FBXW7: variants seen among roughly 807,000 people sequenced by gnomAD.
FBXW7 encodes F-box/WD repeat-containing protein 7.
In FBXW7, 11 loss-of-function variants were observed where a neutral mutation model predicts 86.3. The observed-to-expected ratio is 0.13, with a 90% CI of 0.08 to 0.21. The LOEUF (loss-of-function observed/expected upper bound fraction) is 0.21, where lower values mean the gene tolerates loss of function less well. Ranked by LOEUF, FBXW7 falls within the 10% of genes least tolerant of loss-of-function variation. FBXW7 has a pLI of 1.00. For missense variants in FBXW7, 488 were observed against 847.4 expected, an observed-to-expected ratio of 0.58 and a Z score of 5.27; for synonymous variants, 313 against 297.9, an observed-to-expected ratio of 1.05 and a Z score of -0.52.
At chr4:152,382,973 C>T (rs1735224834) in intron 4 of FBXW7, among the ~76,000 whole-genome samples, 1 of 152,042 alleles carries the variant, frequency 6.6e-6, no homozygotes, top group Non-Finnish European at 1.5e-5. Flanking sequence ...TTTCCCTTTT[C>T]CATACACACC....
At chr4:152,355,921 T>G (rs968007834) in intron 4 of FBXW7, among the ~76,000 whole-genome samples, 1 of 152,126 alleles carries the variant, frequency 6.6e-6, no homozygotes, top group Middle Eastern at 3.2e-3. Context: ...ACGACTTAAG[T>G]TTTTAGAAGG....
chr4:152,323,113 T>A lies in FBXW7; in HGVS notation c.1892A>T (p.Gln631Leu), dbSNP rs2126465510. Residue 631 changes from glutamine (Q) to leucine (L), a missense_variant, in exon 14 of 14, where the codon CAG (glutamine) becomes CTG (leucine). Physicochemically the swap from Gln to Leu is moderately radical, Grantham distance 113 (BLOSUM62 -2). Coordinates refer to ENST00000281708, the MANE Select transcript of FBXW7 (RefSeq NM_001349798.2). ...NKHQSAVTCL[Q>L]FNKNFVITSS... ...GGTAATTACAAAGTTCTTGTTGAAC[T>A]GTAAACAGGTCACAGCACTCTGATG... is the stretch of plus-strand genomic sequence containing the variant. The A allele has an allele frequency of 1.2e-6, 2 of 1,613,762 alleles. No homozygotes were observed. The highest frequency in any genetic ancestry group is 1.7e-6 in the Non-Finnish European group (2 of 1,179,804).
At chr4:152,407,849 C>T (rs567890581) in intron 4 of FBXW7, among the ~76,000 whole-genome samples, 158 of 152,236 alleles carry the variant, frequency 1.0e-3, no homozygotes, top group Middle Eastern at 3.4e-3. Flanking sequence ...GAACCACAGG[C>T]GCATGCCATC....
chr4:152,453,419 A>C (rs1742093843), intron 2 of FBXW7, among the ~76,000 whole-genome samples: 1 of 152,078 alleles, frequency 6.6e-6, no homozygotes, highest in Non-Finnish European at 1.5e-5. Flanking sequence ...CATTCAGTCT[A>C]TTCAGTCACC....
At chr4:152,341,954 C>T (rs1378312715) in intron 6 of FBXW7, among the ~76,000 whole-genome samples, 1 of 151,856 alleles carries the variant, frequency 6.6e-6, no homozygotes, top group African/African-American at 2.4e-5. Context: ...TACAATTTAA[C>T]CTCTTCAGGC....
chr4:152,501,058 G>A (rs1481909519), intron 2 of FBXW7, among the ~76,000 whole-genome samples: 1 of 152,192 alleles, frequency 6.6e-6, no homozygotes, highest in Non-Finnish European at 1.5e-5. Flanking sequence ...AGTCACTGTG[G>A]AAGAAGCTTA....
chr4:152,478,361 G>A (rs1021928854), intron 2 of FBXW7, among the ~76,000 whole-genome samples: 1 of 152,010 alleles, frequency 6.6e-6, no homozygotes, highest in African/African-American at 2.4e-5. Context: ...TTAGCACAAT[G>A]TTTTCAAGGT....
At chr4:152,410,985 A>T (rs1431047404) in intron 4 of FBXW7, among the ~76,000 whole-genome samples, 1 of 152,094 alleles carries the variant, frequency 6.6e-6, no homozygotes, top group East Asian at 1.9e-4. Flanking sequence ...ATCATGTTTC[A>T]CCCGAAACCT....
intron 8 of FBXW7, among the ~76,000 whole-genome samples, chr4:152,332,329 G>A (rs557715153): frequency 5.9e-5 from 9 of 151,998 alleles, no homozygotes; most frequent in East Asian, 5.8e-4. Context: ...ATATAATTTC[G>A]GGGTTTCCTT....
chr4:152,390,133 T>C (rs540546347), intron 4 of FBXW7, among the ~76,000 whole-genome samples: 1 of 152,044 alleles, frequency 6.6e-6, no homozygotes, highest in Admixed American at 6.6e-5. Flanking sequence ...CTCTCCTACC[T>C]ACTGTAGTGG....
At chr4:152,454,550 T>C (rs1330727225) in intron 2 of FBXW7, among the ~76,000 whole-genome samples, 1 of 152,212 alleles carries the variant, frequency 6.6e-6, no homozygotes, top group South Asian at 2.1e-4. Context: ...CAAACACTGG[T>C]TGAACTGAAT....
chr4:152,384,984 T>C (rs1047378639), intron 4 of FBXW7, among the ~76,000 whole-genome samples: 4 of 152,070 alleles, frequency 2.6e-5, no homozygotes, highest in African/African-American at 9.7e-5. Flanking sequence ...AATTGTTTTG[T>C]TTGTGAAACA....
intron 2 of FBXW7, among the ~76,000 whole-genome samples, chr4:152,422,377 G>A (rs959375216): frequency 1.3e-5 from 2 of 152,198 alleles, no homozygotes; most frequent in Non-Finnish European, 2.9e-5. Context: ...AGCGCAGTAA[G>A]TCTGAGTATT....
chr4:152,412,733 T>A (rs990638650), intron 2 of FBXW7: 1 of 152,068 alleles, frequency 6.6e-6, no homozygotes, highest in Non-Finnish European at 1.5e-5. Flanking sequence ...ATGGATGTTA[T>A]AATATATTAT....
intron 2 of FBXW7, among the ~76,000 whole-genome samples, chr4:152,476,405 G>A (rs1744406813): frequency 6.6e-6 from 1 of 152,106 alleles, no homozygotes; most frequent in Admixed American, 6.6e-5. Flanking sequence ...AAAAAACTCT[G>A]TGATTTTCAA....
intron 2 of FBXW7, among the ~76,000 whole-genome samples, chr4:152,455,513 C>A (rs1307332837): frequency 6.6e-6 from 1 of 152,178 alleles, no homozygotes; most frequent in Non-Finnish European, 1.5e-5. Context: ...ACCAGCAGAG[C>A]CTTTAACATC....
intron 2 of FBXW7, among the ~76,000 whole-genome samples, chr4:152,442,183 T>C (rs1173452008): frequency 6.6e-6 from 1 of 152,222 alleles, no homozygotes; most frequent in Non-Finnish European, 1.5e-5. Context: ...CAACTTCTCA[T>C]TTCCCACTCC....
chr4:152,384,775 T>G (rs1735390120), intron 4 of FBXW7, among the ~76,000 whole-genome samples: 1 of 151,810 alleles, frequency 6.6e-6, no homozygotes, highest in African/African-American at 2.4e-5. Flanking sequence ...CCTCGAGAGA[T>G]CTAAGGTTAG....
chr4:152,426,795 C>A (rs1739428164), intron 2 of FBXW7, among the ~76,000 whole-genome samples: 1 of 152,130 alleles, frequency 6.6e-6, no homozygotes, highest in Admixed American at 6.5e-5. Flanking sequence ...GGCTCTCATT[C>A]CATAACAGGG....
Sources: gnomAD v4.1 joint callset for allele counts (sites outside exome capture counted in the v4.1 genomes callset) on GRCh38, gnomAD v4.1.1 for gene constraint, MANE v1.5 for transcripts, NCBI Gene and HGNC (gene_info 2026-07-23, HGNC 2026-07-21) for gene names.